PTPRD: variants seen among roughly 807,000 people sequenced by gnomAD.
PTPRD encodes receptor-type tyrosine-protein phosphatase delta.
In PTPRD, 34 loss-of-function variants were observed where a neutral mutation model predicts 214.5. The ratio of observed to expected loss-of-function variants is 0.16; its 90% confidence interval spans 0.12 to 0.21. The LOEUF (loss-of-function observed/expected upper bound fraction) is 0.21, where lower values mean the gene tolerates loss of function less well. Ranked by LOEUF, PTPRD falls within the 10% of genes least tolerant of loss-of-function variation. The pLI, the probability that PTPRD is intolerant of heterozygous loss-of-function variation, is 1.00. For missense variants in PTPRD, 2,545 were observed against 2,398.7 expected (o/e 1.06, Z -1.27); for synonymous variants, 1,128 against 845.7 (o/e 1.33, Z -5.79).
At chr9:9,090,553 T>A (rs1268772875) in intron 10 of PTPRD, among the ~76,000 whole-genome samples, 1 of 152,206 alleles carries the variant, frequency 6.6e-6, no homozygotes, top group Non-Finnish European at 1.5e-5. Context: ...AGTGAATATG[T>A]CAGCGTTATT....
At chr9:8,906,972 G>A (rs1185558637) in intron 11 of PTPRD, among the ~76,000 whole-genome samples, 4 of 151,990 alleles carry the variant, frequency 2.6e-5, no homozygotes, top group African/African-American at 9.7e-5. Context: ...AGGGGAACCT[G>A]GAAGGGCCCA....
At chr9:8,988,417 C>A (rs530632946) in intron 11 of PTPRD, among the ~76,000 whole-genome samples, 1 of 151,962 alleles carries the variant, frequency 6.6e-6, no homozygotes, top group Non-Finnish European at 1.5e-5. Flanking sequence ...TAAGAAAAAC[C>A]GTAAGAAATC....
At chr9:10,453,365 GTAGA>G (rs1448032891) in intron 2 of PTPRD, among the ~76,000 whole-genome samples, 5 of 151,440 alleles carry the variant, frequency 3.3e-5, no homozygotes, top group Non-Finnish European at 7.4e-5. Context: ...AAGAAGTTTG[GTAGA>G]TATTGAACTG....
Position 9,735,278 on chromosome 9 carries a change from C to T in PTPRD, c.-325-707G>A, listed in dbSNP as rs539686681. On this transcript the variant is annotated intron_variant, in intron 6 of 45. Transcript: ENST00000381196. ...TGAGGCCTTTTGCAAATATGCCTGCCTGCTTCTGTGTTTGAGCAGAAATAT... is the reference window on the plus strand; with the variant it reads ...TGAGGCCTTTTGCAAATATGCCTGCTTGCTTCTGTGTTTGAGCAGAAATAT... Among the ~76,000 whole-genome samples the T allele has an allele frequency of 6.0e-4, 92 of 152,154 alleles. 1 individual carries two copies. Among genetic ancestry groups the T allele is most frequent in the African/African-American group, 2.2e-3 (92 of 41,526 alleles).
chr9:9,314,251 A>ATAG (rs1183972073), intron 9 of PTPRD, among the ~76,000 whole-genome samples: 4 of 152,134 alleles, frequency 2.6e-5, no homozygotes, highest in Admixed American at 2.6e-4. Context: ...TGGCTGTAGG[A>ATAG]TAGTAAGATT....
intron 2 of PTPRD, among the ~76,000 whole-genome samples, chr9:10,610,456 G>A (rs1208114727): frequency 1.3e-5 from 2 of 151,642 alleles, no homozygotes; most frequent in African/African-American, 4.8e-5. Flanking sequence ...TTGAACCACT[G>A]TTAAATTTGC....
chr9:9,177,483 C>T (rs1040464390), intron 10 of PTPRD, among the ~76,000 whole-genome samples: 1 of 152,206 alleles, frequency 6.6e-6, no homozygotes, highest in East Asian at 1.9e-4. Flanking sequence ...ATACTTTATA[C>T]TCATTAATAT....
chr9:9,734,818 C>G (rs1439938081), intron 6 of PTPRD, among the ~76,000 whole-genome samples: 6 of 151,900 alleles, frequency 3.9e-5, no homozygotes, highest in Non-Finnish European at 1.5e-5. Flanking sequence ...AATATTTTTT[C>G]CAATTATTTA....
chr9:8,635,604 TATGAAA>T (rs1381991985), intron 13 of PTPRD, among the ~76,000 whole-genome samples: 3 of 152,122 alleles, frequency 2.0e-5, no homozygotes, highest in Non-Finnish European at 4.4e-5. Context: ...TGTGAGTTCC[TATGAAA>T]ATAAGTAAAA....
intron 2 of PTPRD, among the ~76,000 whole-genome samples, chr9:10,436,312 C>T (rs1011396305): frequency 6.6e-6 from 1 of 151,666 alleles, no homozygotes; most frequent in Non-Finnish European, 1.5e-5. Flanking sequence ...TCAGTGTCCA[C>T]ATTAGCATTA....
rs192915450 is a variant in PTPRD, at chr9:9,639,268, T to C, written c.-286-64487A>G. 5.3e-3 allele frequency among the ~76,000 whole-genome samples: 801 copies of C among 152,346 alleles called. 2 individuals are homozygous for C. The highest frequency in any genetic ancestry group is 9.0e-3 in the Non-Finnish European group (615 of 68,030). On this transcript the variant is annotated intron_variant, in intron 7 of 45. Transcript: ENST00000381196. ...ACTCTAGGATTGTTTCTACTCATCA[T>C]TTTAGTGCTAGCATCTAGTTTAGTG... is the stretch of plus-strand genomic sequence containing the variant.
At chr9:9,805,962 A>G (rs187675617) in intron 5 of PTPRD, among the ~76,000 whole-genome samples, 120 of 152,312 alleles carry the variant, frequency 7.9e-4, no homozygotes, top group African/African-American at 2.6e-3. Context: ...CACTCAACAA[A>G]TAGCTTACAC....
At chr9:10,403,227 A>AATATATATATATATATATATATATAT (rs58712564) in intron 2 of PTPRD, among the ~76,000 whole-genome samples, 1 of 59,876 alleles carries the variant, frequency 1.7e-5, no homozygotes. Context: ...TGTGTGTGTA[A>AATATATATATATATATATATATATAT]ATATATATAT....
chr9:10,420,455 C>T (rs1286847447), intron 2 of PTPRD, among the ~76,000 whole-genome samples: 1 of 151,802 alleles, frequency 6.6e-6, no homozygotes, highest in African/African-American at 2.4e-5. Flanking sequence ...AGATTGGTGG[C>T]CAAGGTTGAG....
chr9:9,290,279 G>A (rs1465834316), intron 9 of PTPRD, among the ~76,000 whole-genome samples: 1 of 151,514 alleles, frequency 6.6e-6, no homozygotes, highest in Non-Finnish European at 1.5e-5. Flanking sequence ...GTCTATTCAG[G>A]TCCTTTGCTA....
intron 3 of PTPRD, among the ~76,000 whole-genome samples, chr9:10,065,844 G>T (rs144203533): frequency 1.8e-3 from 266 of 151,998 alleles, no homozygotes; most frequent in African/African-American, 6.2e-3. Context: ...TTATACTGGG[G>T]GGAGTGGGCT....
At chr9:9,784,936 G>A (rs2098908646) in intron 5 of PTPRD, among the ~76,000 whole-genome samples, 1 of 147,396 alleles carries the variant, frequency 6.8e-6, no homozygotes, top group Non-Finnish European at 1.5e-5. Context: ...AATTGTATAT[G>A]GTTTGAGCAG....
intron 2 of PTPRD, among the ~76,000 whole-genome samples, chr9:10,392,623 G>T (rs2098090404): frequency 6.6e-6 from 1 of 151,802 alleles, no homozygotes; most frequent in Non-Finnish European, 1.5e-5. Flanking sequence ...TATAATATGG[G>T]ATTAAAATGC....
chr9:10,511,567 GTAT>G (rs2048026801), intron 2 of PTPRD, among the ~76,000 whole-genome samples: 15 of 145,606 alleles, frequency 1.0e-4, no homozygotes, highest in Admixed American at 6.8e-5. Flanking sequence ...CCACACCCTG[GTAT>G]TTTTTTTTTT....
Sources: gnomAD v4.1 joint callset for allele counts (sites outside exome capture counted in the v4.1 genomes callset) on GRCh38, gnomAD v4.1.1 for gene constraint, MANE v1.5 for transcripts, NCBI Gene and HGNC (gene_info 2026-07-23, HGNC 2026-07-21) for gene names.